The following PRR16 variants were observed in gnomAD, a reference collection of about 807,000 sequenced individuals.
PRR16 encodes the protein proline rich 16, also known as protein Largen.
Under a neutral mutation model 18.2 loss-of-function variants are expected in PRR16, and 6 were observed. The ratio of observed to expected loss-of-function variants is 0.33; its 90% CI spans 0.18 to 0.65. PRR16 has a LOEUF of 0.65. Among genes scored for constraint, PRR16 ranks in the 30% least tolerant of loss-of-function variants. The pLI is 0.74. For synonymous variants in PRR16, 151 were observed against 147.8 expected (o/e 1.02, Z -0.16); for missense variants, 412 against 376.6 (o/e 1.09, Z -0.78).
chr5:120,779,273 C>A, the PRR16 span, among the ~76,000 whole-genome samples: 1 of 152,120 alleles, frequency 6.6e-6, no homozygotes, highest in Non-Finnish European at 1.5e-5. Flanking sequence ...AGCAGGAAAA[C>A]AGGGATTTAG....
At chr5:120,683,910 C>A in intron 1 of PRR16, among the ~76,000 whole-genome samples, 1 of 142,518 alleles carries the variant, frequency 7.0e-6, no homozygotes, top group South Asian at 2.3e-4. Context: ...AACAAAAGCA[C>A]ACTTCTGCTT....
the PRR16 span, among the ~76,000 whole-genome samples, chr5:120,720,005 G>A: frequency 6.6e-6 from 1 of 151,962 alleles, no homozygotes; most frequent in Non-Finnish European, 1.5e-5. Context: ...ATAAACCCCT[G>A]CACATAGTGG....
the PRR16 span, among the ~76,000 whole-genome samples, chr5:120,757,320 G>A: frequency 6.6e-6 from 1 of 152,018 alleles, no homozygotes; most frequent in Non-Finnish European, 1.5e-5. Context: ...GGTTCCATAT[G>A]AATTTTTGGA....
At chr5:120,574,664 T>C (rs978428636) in intron 1 of PRR16, among the ~76,000 whole-genome samples, 2 of 148,800 alleles carry the variant, frequency 1.3e-5, no homozygotes, top group Non-Finnish European at 2.9e-5. Flanking sequence ...TATGAAACAG[T>C]ACTCAATTTC....
intron 1 of PRR16, among the ~76,000 whole-genome samples, chr5:120,577,364 A>T (rs76983918): frequency 0.041 from 6,181 of 151,882 alleles, 157 homozygotes; most frequent in East Asian, 0.08. Context: ...AGACTGTTTT[A>T]TTGAGGTTTA....
At chr5:120,712,629 A>T in the PRR16 span, among the ~76,000 whole-genome samples, 1 of 152,202 alleles carries the variant, frequency 6.6e-6, no homozygotes, top group African/African-American at 2.4e-5. Flanking sequence ...AAAGAAAAAA[A>T]ATCCAATTTT....
At chr5:120,774,370 C>A in the PRR16 span, among the ~76,000 whole-genome samples, 1 of 152,132 alleles carries the variant, frequency 6.6e-6, no homozygotes, top group African/African-American at 2.4e-5. Flanking sequence ...AAAATTTTCT[C>A]ATGAATTTTT....
intron 1 of PRR16, among the ~76,000 whole-genome samples, chr5:120,561,123 C>T (rs1437919963): frequency 6.6e-6 from 1 of 151,496 alleles, no homozygotes; most frequent in Non-Finnish European, 1.5e-5. Context: ...TTTATTTATA[C>T]TCTGATCTTC....
chr5:120,695,145 C>G, the PRR16 span, among the ~76,000 whole-genome samples: 2 of 152,062 alleles, frequency 1.3e-5, no homozygotes, highest in African/African-American at 4.8e-5. Context: ...TCAAACCACC[C>G]TTTATGACAA....
the PRR16 span, among the ~76,000 whole-genome samples, chr5:120,739,426 C>T: frequency 6.6e-6 from 1 of 152,082 alleles, no homozygotes; most frequent in Non-Finnish European, 1.5e-5. Flanking sequence ...CAATGGGTTA[C>T]TTTTCTTTGT....
chr5:120,618,324 T>G, intron 1 of PRR16: 1 of 273,736 alleles, frequency 3.7e-6, no homozygotes, highest in Non-Finnish European at 5.6e-6. Context: ...GTAGTGTTGA[T>G]TTTGTTGTTG....
the PRR16 span, among the ~76,000 whole-genome samples, chr5:120,713,643 G>A: frequency 0.19 from 29,303 of 151,990 alleles, 3,443 homozygotes; most frequent in Non-Finnish European, 0.26. Flanking sequence ...GCTTGCCCAA[G>A]TTTCCATAGC....
rs570864948 is a variant in PRR16 at position 120,556,585 on chromosome 5, A to C, written c.159+91940A>C. 2.6e-5 allele frequency among the ~76,000 whole-genome samples: 4 copies of C among 152,060 alleles called. No homozygotes were observed. The South Asian group carries it at 8.3e-4, about 32-fold the overall frequency. On this transcript the variant is annotated intron_variant, in intron 1 of 1. Transcript: ENST00000407149. ...TACTACCACCAATTAAAGGAAACCA[A>C]GGCTCTTTCATTTTCTCAACAGTTT...
chr5:120,653,369 A>G (rs928247295), intron 1 of PRR16, among the ~76,000 whole-genome samples: 4 of 152,122 alleles, frequency 2.6e-5, no homozygotes, highest in Non-Finnish European at 4.4e-5. Context: ...AGCATTAAAC[A>G]CCAAAATGCA....
intron 1 of PRR16, among the ~76,000 whole-genome samples, chr5:120,486,709 G>T (rs183631498): frequency 0.011 from 1,672 of 152,232 alleles, 13 homozygotes; most frequent in East Asian, 0.033. Flanking sequence ...TTTTAGACAT[G>T]AAGTCCTTGC....
At chr5:120,600,933 A>G (rs1584466) in intron 1 of PRR16, among the ~76,000 whole-genome samples, 1,719 of 152,052 alleles carry the variant, frequency 0.011, 30 homozygotes, top group African/African-American at 0.039. Flanking sequence ...GTTATATTGT[A>G]TAGTTTATAT....
the PRR16 span, among the ~76,000 whole-genome samples, chr5:120,758,861 AT>A: frequency 6.6e-6 from 1 of 152,080 alleles, no homozygotes; most frequent in African/African-American, 2.4e-5. Flanking sequence ...TATCAGTTAT[AT>A]AACTTTGTCA....
chr5:120,660,699 T>C (rs1756145972), intron 1 of PRR16, among the ~76,000 whole-genome samples: 1 of 152,062 alleles, frequency 6.6e-6, no homozygotes, highest in Admixed American at 6.6e-5. Context: ...GTAGCTTATC[T>C]TTCCTGTTGC....
At chr5:120,517,325 A>G (rs1751030463) in intron 1 of PRR16, among the ~76,000 whole-genome samples, 1 of 152,162 alleles carries the variant, frequency 6.6e-6, no homozygotes, top group African/African-American at 2.4e-5. Flanking sequence ...TTGAAGCAGA[A>G]TTCTGCTCTG....
Sources: gnomAD v4.1 joint callset for allele counts (sites outside exome capture counted in the v4.1 genomes callset) on GRCh38, gnomAD v4.1.1 for gene constraint, MANE v1.5 for transcripts, NCBI Gene and HGNC (gene_info 2026-07-23, HGNC 2026-07-21) for gene names.